AKR1A1: variants seen among roughly 807,000 people sequenced by gnomAD.
AKR1A1 encodes HEL-S-165mP.
In AKR1A1, 26 loss-of-function variants were observed where a neutral mutation model predicts 39.2. The ratio of observed to expected loss-of-function variants is 0.66; its 90% CI spans 0.49 to 0.92. The LOEUF (loss-of-function observed/expected upper bound fraction) is 0.92, where lower values mean the gene tolerates loss of function less well. Among genes scored for constraint, AKR1A1 ranks in the 40% least tolerant of loss-of-function variants. The pLI is 0.00. For missense variants in AKR1A1, 378 were observed against 406.5 expected (o/e 0.93, Z 0.60); for synonymous variants, 141 against 155.5 (o/e 0.91, Z 0.69).
intron 4 of AKR1A1, 138 bp downstream of exon 4, chr1:45,567,158 T>C (rs1644354922): frequency 8.3e-7 from 1 of 1,201,462 alleles, no homozygotes; most frequent in African/African-American, 1.5e-5. Context: ...ACATGGGATC[T>C]TAGCCTCTTC....
chr1:45,554,982 A>G (rs2991974), intron 1 of AKR1A1, among the ~76,000 whole-genome samples: 73,289 of 151,700 alleles, frequency 0.48, 17,944 homozygotes, highest in East Asian at 0.62. Context: ...ATGAGCCACC[A>G]CACGCAACCA....
chr1:45,560,342 G>A (rs934599083), intron 1 of AKR1A1, among the ~76,000 whole-genome samples: 15 of 152,136 alleles, frequency 9.9e-5, no homozygotes, highest in Non-Finnish European at 2.1e-4. Context: ...TCTGGATATG[G>A]TGGCTCATAC....
intron 1 of AKR1A1, chr1:45,552,581 A>C (rs1262519980): frequency 3.3e-5 from 5 of 152,218 alleles, no homozygotes; most frequent in African/African-American, 1.2e-4. Context: ...TTGGGGAAGG[A>C]AAGTGCACAC....
At chr1:45,554,469 C>T (rs1644174529) in intron 1 of AKR1A1, among the ~76,000 whole-genome samples, 1 of 152,032 alleles carries the variant, frequency 6.6e-6, no homozygotes, top group Admixed American at 6.6e-5. Flanking sequence ...GTGACATGTG[C>T]CTGTAGTCCC....
intron 1 of AKR1A1, among the ~76,000 whole-genome samples, chr1:45,559,302 T>C (rs1368939407): frequency 6.6e-6 from 1 of 152,194 alleles, no homozygotes; most frequent in African/African-American, 2.4e-5. Context: ...CTTGGGCCAT[T>C]TGGTGACCTC....
chr1:45,561,550 C>T (rs778228718), intron 1 of AKR1A1, among the ~76,000 whole-genome samples: 3 of 152,052 alleles, frequency 2.0e-5, no homozygotes, highest in Non-Finnish European at 2.9e-5. Flanking sequence ...ACTACAGGTG[C>T]GCGCCACCAT....
In AKR1A1 at chr1:45,566,891, T is replaced by C. The variant is rs1644351374; in HGVS notation, c.227T>C (p.Phe76Ser). Residue 76 changes from phenylalanine to serine, a missense_variant, in exon 4 of 9, where the codon TTT becomes TCT. Physicochemically the swap from Phe to Ser is radical, Grantham distance 155. Transcript: ENST00000351829. Reference protein sequence around the residue: ...PGKAVPREELFVTSKLWNTKH... With the variant: ...PGKAVPREELSVTSKLWNTKH... ...TAGGCGGTGCCTCGGGAGGAGCTGT[T>C]TGTGACATCCAAGCTGTGGAACACC... 1.2e-6 allele frequency: 2 copies of C among 1,614,078 alleles called. No individual in the cohort carries two copies. Among genetic ancestry groups the C allele is most frequent in the Non-Finnish European group, 1.7e-6 (2 of 1,179,988 alleles).
intron 8 of AKR1A1, 145 bp from the exon 9 acceptor site, chr1:45,569,746 C>A: frequency 1.5e-6 from 1 of 688,254 alleles, no homozygotes; most frequent in Non-Finnish European, 2.6e-6. Flanking sequence ...CTGTGGTGTT[C>A]TCTGAGGATG....
intron 2 of AKR1A1, among the ~76,000 whole-genome samples, chr1:45,564,986 C>A (rs534092393): frequency 1.3e-5 from 2 of 151,606 alleles, no homozygotes; most frequent in African/African-American, 4.8e-5. Context: ...CCACGCCCAG[C>A]TAATTTTTTG....
intron 1 of AKR1A1, among the ~76,000 whole-genome samples, chr1:45,558,269 C>T (rs902806644): frequency 1.3e-5 from 2 of 151,894 alleles, no homozygotes; most frequent in Non-Finnish European, 2.9e-5. Flanking sequence ...CGCTCTGTTA[C>T]CCAGACTGGA....
Position 45,569,997 on chromosome 1 carries a change from TGAG to T in AKR1A1, c.*43_*45del. ...GCCTCCCTTCCAGCTCTGCAGCTAA[TGAG>T]GTCCTGCCACAACGGAAAGAGGGAG... is the stretch of plus-strand genomic sequence containing the variant. On this transcript the variant is annotated 3_prime_UTR_variant, in exon 9 of 9. Coordinates refer to ENST00000351829, the MANE Select transcript of AKR1A1 (RefSeq NM_153326.3). 6.4e-7 allele frequency: 1 copy of T among 1,572,276 alleles called. No individual in the cohort carries two copies. The highest frequency in any genetic ancestry group is 8.8e-7 in the Non-Finnish European group (1 of 1,142,182).
intron 1 of AKR1A1, among the ~76,000 whole-genome samples, chr1:45,556,121 T>C (rs1644199409): frequency 6.6e-6 from 1 of 152,158 alleles, no homozygotes; most frequent in African/African-American, 2.4e-5. Context: ...TTTTCCTGTG[T>C]CTTCTACTTC....
rs1298611396 is a variant in AKR1A1, at chr1:45,568,635, C to T, written c.703C>T (p.Leu235=). The T allele has an allele frequency of 5.6e-6, 9 of 1,613,744 alleles. No homozygotes were observed. In the Admixed American group the frequency reaches 6.7e-5, roughly 12 times the overall value. ...EPVLLEEPVV[L]ALAEKYGRSP... ...TGTCCTGCTGGAGGAACCAGTAGTCCTGGCATTGGCTGAAAAGTATGGCCG... is the reference window on the plus strand; with the variant it reads ...TGTCCTGCTGGAGGAACCAGTAGTCTTGGCATTGGCTGAAAAGTATGGCCG... Residue 235 remains leucine, a synonymous_variant, in exon 6 of 9, where the codon CTG becomes TTG. Coordinates refer to ENST00000351829, the MANE Select transcript of AKR1A1 (RefSeq NM_153326.3).
At chr1:45,556,603 G>A (rs552343451) in intron 1 of AKR1A1, among the ~76,000 whole-genome samples, 108 of 151,838 alleles carry the variant, frequency 7.1e-4, no homozygotes, top group Middle Eastern at 3.2e-3. Context: ...GGATAGCCGG[G>A]CGCAGTGGCT....
intron 1 of AKR1A1, chr1:45,552,365 C>T (rs1446785726): frequency 6.6e-6 from 1 of 151,700 alleles, no homozygotes; most frequent in Admixed American, 6.6e-5. Flanking sequence ...AAAAAAAATT[C>T]CCCCTAGCAA....
In AKR1A1 at chr1:45,565,568, G is replaced by A. The variant is rs910963504; in HGVS notation, c.85-1001G>A. Among the ~76,000 whole-genome samples, 5 of 152,118 alleles carry A rather than the reference G, an allele frequency of 3.3e-5. No individual in the cohort carries two copies. In the East Asian group the frequency reaches 9.7e-4, roughly 30 times the overall value. On this transcript the variant is annotated intron_variant, in intron 2 of 8. Coordinates refer to ENST00000351829, the MANE Select transcript of AKR1A1 (RefSeq NM_153326.3). ...AGCTCACTGCAGCCTCCCCCGCCTG[G>A]GTTCAAGCGATTCTCCTATCTCAGC... is the stretch of plus-strand genomic sequence containing the variant.
At chr1:45,564,638 C>T (rs993243936) in intron 2 of AKR1A1, among the ~76,000 whole-genome samples, 1 of 151,934 alleles carries the variant, frequency 6.6e-6, no homozygotes, top group African/African-American at 2.4e-5. Flanking sequence ...CAGAGTCTGT[C>T]TACACAACTC....
chr1:45,556,325 G>A (rs2148291543), intron 1 of AKR1A1, among the ~76,000 whole-genome samples: 1 of 152,370 alleles, frequency 6.6e-6, no homozygotes, highest in South Asian at 2.1e-4. Context: ...GCTCGCGCCT[G>A]TAATCCCAGC....
intron 1 of AKR1A1, among the ~76,000 whole-genome samples, chr1:45,554,141 A>G (rs988540545): frequency 2.0e-5 from 3 of 151,924 alleles, no homozygotes; most frequent in African/African-American, 7.3e-5. Context: ...CAAAAGAAAA[A>G]TAAGGCCAGG....
Sources: gnomAD v4.1 joint callset for allele counts (sites outside exome capture counted in the v4.1 genomes callset) on GRCh38, gnomAD v4.1.1 for gene constraint, MANE v1.5 for transcripts, NCBI Gene and HGNC (gene_info 2026-07-23, HGNC 2026-07-21) for gene names.